The following ARHGEF4 variants were observed in gnomAD, a reference collection of about 807,000 sequenced individuals.
ARHGEF4 encodes the protein APC-stimulated guanine nucleotide exchange factor 1.
Under a neutral mutation model 162.0 loss-of-function variants are expected in ARHGEF4, and 119 were observed. That is an observed-to-expected ratio of 0.73 (90% confidence interval 0.63 to 0.86). The LOEUF (loss-of-function observed/expected upper bound fraction) is 0.86. Among genes scored for constraint, ARHGEF4 ranks in the 40% least tolerant of loss-of-function variants. ARHGEF4 has a pLI of 0.00. For synonymous variants in ARHGEF4, 1,014 were observed against 979.9 expected (o/e 1.03, Z -0.65); for missense variants, 2,488 against 2,456.0 (o/e 1.01, Z -0.28).
At chr2:131,000,402 TTG>T (rs1687689301) in intron 4 of ARHGEF4, among the ~76,000 whole-genome samples, 1 of 152,206 alleles carries the variant, frequency 6.6e-6, no homozygotes, top group East Asian at 1.9e-4. Context: ...ACTTTTTTTG[TTG>T]TGTTTCTTTT....
At chr2:130,886,227 T>C (rs1456225631) in intron 1 of ARHGEF4, among the ~76,000 whole-genome samples, 1 of 152,112 alleles carries the variant, frequency 6.6e-6, no homozygotes, top group Non-Finnish European at 1.5e-5. Flanking sequence ...GATTTGATGA[T>C]GCTTTGTTTT....
At chr2:130,982,584 C>A (rs888915209) in intron 4 of ARHGEF4, among the ~76,000 whole-genome samples, 3 of 145,018 alleles carry the variant, frequency 2.1e-5, no homozygotes, top group Non-Finnish European at 4.5e-5. Context: ...CTTCTCCTCC[C>A]CCTCCTCCTC....
At chr2:130,969,046 G>A (rs1391465114) in intron 4 of ARHGEF4, among the ~76,000 whole-genome samples, 17 of 152,268 alleles carry the variant, frequency 1.1e-4, no homozygotes, top group Non-Finnish European at 5.9e-5. Context: ...TCTTAGAGAT[G>A]ATCATAAGTA....
intron 1 of ARHGEF4, among the ~76,000 whole-genome samples, chr2:130,843,318 T>A (rs1196010729): frequency 6.6e-6 from 1 of 152,206 alleles, no homozygotes; most frequent in African/African-American, 2.4e-5. Flanking sequence ...TGAACTCTTC[T>A]GGGTGAAGGT....
At chr2:131,024,298 CAG>C (rs1461659622) in intron 4 of ARHGEF4, among the ~76,000 whole-genome samples, 6 of 152,132 alleles carry the variant, frequency 3.9e-5, no homozygotes, top group Admixed American at 6.6e-5. Context: ...TGTTTTGAGA[CAG>C]AATCTTGCTC....
chr2:130,878,285 T>C (rs1270599578), intron 1 of ARHGEF4, among the ~76,000 whole-genome samples: 1 of 152,140 alleles, frequency 6.6e-6, no homozygotes, highest in East Asian at 1.9e-4. Context: ...GGTCCACGAA[T>C]TGTAGTTTGC....
In ARHGEF4 at chr2:130,933,183, C is replaced by T. The variant is rs188984581; in HGVS notation, c.3858+1926C>T. On this transcript the variant is annotated intron_variant, in intron 3 of 13. Coordinates refer to ENST00000409359, the MANE Select transcript of ARHGEF4 (RefSeq NM_001367493.1). ...TGAGCCAAGACTGCACCACTGCACT[C>T]CAGCCTGGGTGACAGAGTGAGACCC... 3.4e-3 allele frequency among the ~76,000 whole-genome samples: 512 copies of T among 151,034 alleles called. 3 individuals are homozygous for T. The highest frequency in any genetic ancestry group is 0.012 in the African/African-American group (488 of 41,176).
intron 4 of ARHGEF4, chr2:130,964,119 C>T: frequency 3.1e-6 from 3 of 953,042 alleles, no homozygotes; most frequent in Non-Finnish European, 3.7e-6. Context: ...GCAGCAGCAG[C>T]GCCGGGCTGT....
chr2:130,914,621 A>G lies in ARHGEF4; in HGVS notation c.675A>G (p.Pro225=). Residue 225 remains proline (P), a synonymous_variant, in exon 2 of 14, where the codon CCA becomes CCG. Transcript: ENST00000409359. ...KSRSESYLGI[P]VVWPFLLWCC... is the part of the protein sequence containing the mutation. The stretch of plus-strand genomic sequence containing the variant: ...GGTCTGAGAGCTATCTGGGCATCCC[A>G]GTGGTCTGGCCCTTCCTTCTCTGGT... The G allele has an allele frequency of 7.2e-7, 1 of 1,392,550 alleles. No individual in the cohort carries two copies. The highest frequency in any genetic ancestry group is 9.3e-7 in the Non-Finnish European group (1 of 1,080,104). The allele number at this position is 1,392,550 out of a possible 1,614,324, so 86.3% of individuals were successfully genotyped here.
chr2:131,017,639 AC>A (rs201922506), intron 4 of ARHGEF4, among the ~76,000 whole-genome samples: 2,426 of 152,292 alleles, frequency 0.016, 56 homozygotes, highest in African/African-American at 0.054. Context: ...CTTTTAAAAT[AC>A]CCCAGAAAAG....
At chr2:130,999,599 T>C (rs758428991) in intron 4 of ARHGEF4, among the ~76,000 whole-genome samples, 94 of 152,274 alleles carry the variant, frequency 6.2e-4, no homozygotes, top group Middle Eastern at 3.2e-3. Context: ...TTTTTGTAGA[T>C]GTGTTACTAA....
intron 4 of ARHGEF4, among the ~76,000 whole-genome samples, chr2:130,978,663 G>A (rs1488142081): frequency 6.6e-5 from 10 of 151,382 alleles, no homozygotes; most frequent in African/African-American, 2.4e-4. Context: ...AAATTCTGGA[G>A]AAATTAGGCA....
At chr2:130,988,895 T>TAG (rs1259444648) in intron 4 of ARHGEF4, among the ~76,000 whole-genome samples, 357 of 109,040 alleles carry the variant, frequency 3.3e-3, no homozygotes, top group African/African-American at 4.1e-3. Context: ...TATATATATA[T>TAG]ATATATAGAG....
At chr2:130,956,394 T>C (rs1684275105) in intron 4 of ARHGEF4, among the ~76,000 whole-genome samples, 1 of 151,972 alleles carries the variant, frequency 6.6e-6, no homozygotes, top group African/African-American at 2.4e-5. Flanking sequence ...AGTTCAACCA[T>C]TGTGGAAGTC....
intron 4 of ARHGEF4, among the ~76,000 whole-genome samples, chr2:130,995,952 C>T (rs1459302332): frequency 2.0e-5 from 3 of 150,432 alleles, no homozygotes; most frequent in Non-Finnish European, 4.4e-5. Flanking sequence ...TGCAGTGGCG[C>T]GATCTCGGCT....
At position 130,915,317 on chromosome 2, in the gene ARHGEF4, C is replaced by G. The variant is rs949724927; in HGVS notation, c.1371C>G (p.Pro457=). Residue 457 remains proline (P), a synonymous_variant, in exon 2 of 14, where the codon CCC becomes CCG. Coordinates refer to ENST00000409359, the MANE Select transcript of ARHGEF4 (RefSeq NM_001367493.1). ...TCAGTGCAGAGGAAGTGCCTGAGCC[C>G]GCTGAGTGCAAGTCAGAGCAAAGCC... ...VKLSAEEVPE[P]AECKSEQSPE... is the part of the protein sequence containing the mutation. 3.9e-6 allele frequency: 6 copies of G among 1,550,574 alleles called. No homozygotes were observed. The highest frequency in any genetic ancestry group is 2.0e-5 in the Admixed American group (1 of 50,988).
At chr2:130,937,588 C>G (rs1035995919) in intron 3 of ARHGEF4, among the ~76,000 whole-genome samples, 4 of 151,914 alleles carry the variant, frequency 2.6e-5, no homozygotes, top group African/African-American at 7.3e-5. Flanking sequence ...TAAGAAGACC[C>G]TGTGCTTTCT....
In ARHGEF4 at chr2:130,915,419, C is replaced by A; in HGVS notation, c.1473C>A (p.His491Gln). The A allele has an allele frequency of 6.4e-7, 1 of 1,550,578 alleles. No homozygotes were observed. Among genetic ancestry groups the A allele is most frequent in the Non-Finnish European group, 8.7e-7 (1 of 1,147,020 alleles). The change falls in exon 2 of 14, where the codon CAC (histidine) becomes CAA (glutamine). Residue 491 changes from histidine (H) to glutamine (Q), a missense_variant. By Grantham distance (24) the His-to-Gln change is conservative. This residue lies in a region of ARHGEF4 where 1,642 missense variants were observed against 1,481.5 expected (regional missense o/e 1.11). Coordinates refer to ENST00000409359, the MANE Select transcript of ARHGEF4 (RefSeq NM_001367493.1). Reference protein sequence around the residue: ...RAADERETQKHLWGISVQAGN... With the variant: ...RAADERETQKQLWGISVQAGN... Reference sequence around the variant, plus strand: ...CTGATGAGAGAGAGACACAGAAGCACCTCTGGGGCATTTCTGTCCAGGCAG... The same window carrying A: ...CTGATGAGAGAGAGACACAGAAGCAACTCTGGGGCATTTCTGTCCAGGCAG...
intron 6 of ARHGEF4, chr2:131,039,475 G>A (rs958164396): frequency 2.0e-6 from 2 of 1,022,576 alleles, no homozygotes; most frequent in African/African-American, 3.5e-5. Context: ...ATCTAAGGGG[G>A]TCTCCAGTCT....
Sources: allele counts gnomAD v4.1 joint callset (sites outside exome capture counted in the v4.1 genomes callset), GRCh38; gene constraint gnomAD v4.1.1; regional missense constraint gnomAD v4.1.1; transcripts MANE v1.5; gene names NCBI Gene and HGNC (gene_info 2026-07-23, HGNC 2026-07-21).